Variants in XXYLT1 observed in about 807,000 individuals in gnomAD.
The protein encoded by XXYLT1 is UDP-xylose:alpha-xyloside alpha-1,3-xylosyltransferase.
Under a neutral mutation model 28.9 loss-of-function variants are expected in XXYLT1, and 20 were observed. The ratio of observed to expected loss-of-function variants is 0.69; its 90% CI spans 0.49 to 1.00. The LOEUF (loss-of-function observed/expected upper bound fraction) is 1.00. XXYLT1 is among the 50% of genes least tolerant of loss of function. The pLI is 0.00. For missense variants in XXYLT1, 542 were observed against 560.1 expected, an observed-to-expected ratio of 0.97 and a Z score of 0.33; for synonymous variants, 257 against 253.8, an observed-to-expected ratio of 1.01 and a Z score of -0.12.
At chr3:195,071,897 A>G (rs1714836988) in intron 3 of XXYLT1, among the ~76,000 whole-genome samples, 1 of 152,098 alleles carries the variant, frequency 6.6e-6, no homozygotes, top group South Asian at 2.1e-4. Flanking sequence ...GCGTTTACCG[A>G]GGTGGAGCAG....
At chr3:195,153,273 A>C (rs1196658063) in intron 3 of XXYLT1, among the ~76,000 whole-genome samples, 1 of 152,214 alleles carries the variant, frequency 6.6e-6, no homozygotes, top group Non-Finnish European at 1.5e-5. Context: ...GAAAGAAGGC[A>C]AAAAACATGC....
chr3:195,130,133 T>A (rs1480514667), intron 3 of XXYLT1, among the ~76,000 whole-genome samples: 1 of 152,244 alleles, frequency 6.6e-6, no homozygotes, highest in Non-Finnish European at 1.5e-5. Context: ...ATTCTGCCAG[T>A]CTCAGCAAAT....
intron 3 of XXYLT1, chr3:195,148,145 G>A (rs1279221236): frequency 6.6e-6 from 1 of 152,224 alleles, no homozygotes; most frequent in Non-Finnish European, 1.5e-5. Context: ...AATCCCGCTT[G>A]GGTTCTCTGT....
At chr3:195,086,581 G>C (rs1560086598) in intron 3 of XXYLT1, among the ~76,000 whole-genome samples, 1 of 152,136 alleles carries the variant, frequency 6.6e-6, no homozygotes, top group Non-Finnish European at 1.5e-5. Flanking sequence ...GGCCCTGTGA[G>C]GAAGGTCAGG....
intron 2 of XXYLT1, among the ~76,000 whole-genome samples, chr3:195,156,948 A>G (rs1273317901): frequency 6.6e-6 from 1 of 152,152 alleles, no homozygotes; most frequent in Non-Finnish European, 1.5e-5. Context: ...GCTTCCCTAC[A>G]TAAAACTCAA....
At chr3:195,081,063 GC>G (rs1158238007) in intron 3 of XXYLT1, among the ~76,000 whole-genome samples, 1 of 152,192 alleles carries the variant, frequency 6.6e-6, no homozygotes, top group African/African-American at 2.4e-5. Flanking sequence ...AGTGTGATGG[GC>G]CAGGCCCAGG....
chr3:195,099,649 T>C (rs112731207), intron 3 of XXYLT1, among the ~76,000 whole-genome samples: 5,582 of 151,986 alleles, frequency 0.037, 183 homozygotes, highest in East Asian at 0.21. Flanking sequence ...GTTAACACGT[T>C]GAAACCCCGT....
chr3:195,175,272 G>T (rs533141681), intron 2 of XXYLT1, among the ~76,000 whole-genome samples: 1 of 152,342 alleles, frequency 6.6e-6, no homozygotes, highest in South Asian at 2.1e-4. Flanking sequence ...AACAAGAGAG[G>T]CTCTTCTACA....
At chr3:195,142,748 C>T (rs916965335) in intron 3 of XXYLT1, among the ~76,000 whole-genome samples, 4 of 152,228 alleles carry the variant, frequency 2.6e-5, no homozygotes, top group Non-Finnish European at 4.4e-5. Flanking sequence ...GGTCTTCATG[C>T]GGCCAGCCCG....
chr3:195,212,945 G>A (rs369254860), intron 2 of XXYLT1, among the ~76,000 whole-genome samples: 1 of 152,170 alleles, frequency 6.6e-6, no homozygotes, highest in Non-Finnish European at 1.5e-5. Context: ...ATGGTATGCC[G>A]CCAGACCCAC....
At chr3:195,220,395 C>T (rs1230378898) in intron 2 of XXYLT1, among the ~76,000 whole-genome samples, 3 of 152,188 alleles carry the variant, frequency 2.0e-5, no homozygotes, top group African/African-American at 7.2e-5. Flanking sequence ...CCGCCCGCCT[C>T]GGTCTCCCAA....
Position 195,210,454 on chromosome 3 carries a change from C to T in XXYLT1, c.652+16255G>A, listed in dbSNP as rs1723266146. 6.6e-6 allele frequency among the ~76,000 whole-genome samples: 1 copy of T among 152,178 alleles called. No individual in the cohort carries two copies. The highest frequency in any genetic ancestry group is 2.4e-5 in the African/African-American group (1 of 41,436). On this transcript the variant is annotated intron_variant, in intron 2 of 3. Transcript: ENST00000310380. The surrounding 1 kb of genome is among the most constrained non-coding windows in gnomAD (Gnocchi z 4.8). Reference sequence around the variant, plus strand: ...CGAGGCCCAGAAAAAAGTTGGCTGACGTCCTGGCAAGAAGTAATAAGAGCC... The same window carrying T: ...CGAGGCCCAGAAAAAAGTTGGCTGATGTCCTGGCAAGAAGTAATAAGAGCC...
intron 3 of XXYLT1, among the ~76,000 whole-genome samples, chr3:195,106,883 C>G (rs990794267): frequency 3.0e-5 from 2 of 66,132 alleles, no homozygotes; most frequent in Non-Finnish European, 5.9e-5. Flanking sequence ...AAAACACCCC[C>G]TAGAGGTGGG....
At chr3:195,245,145 T>A (rs1308049372) in intron 1 of XXYLT1, among the ~76,000 whole-genome samples, 1 of 150,358 alleles carries the variant, frequency 6.7e-6, no homozygotes, top group South Asian at 2.1e-4. Context: ...CAGCCTTATG[T>A]GTAGCCCAAG....
chr3:195,150,977 C>T lies in XXYLT1; in HGVS notation c.785+5472G>A, dbSNP rs1343314733. Among the ~76,000 whole-genome samples the T allele has an allele frequency of 6.6e-6, 1 of 152,064 alleles. No individual in the cohort carries two copies. Among genetic ancestry groups the T allele is most frequent in the Non-Finnish European group, 1.5e-5 (1 of 68,022 alleles). On this transcript the variant is annotated intron_variant, in intron 3 of 3. Transcript: ENST00000310380. This position sits in a 1 kb window ranked among gnomAD's most constrained non-coding sequence, Gnocchi z 4.7. The stretch of plus-strand genomic sequence containing the variant: ...CAGGCCTCCTGGTCCCAGTGGCCTC[C>T]CCAAATGACCCAGTCCACAGTTGGG...
chr3:195,230,917 A>T (rs1304537007), intron 1 of XXYLT1, among the ~76,000 whole-genome samples: 1 of 152,118 alleles, frequency 6.6e-6, no homozygotes, highest in Non-Finnish European at 1.5e-5. Context: ...TCTGTGAAGA[A>T]TGTCATTGGT....
intron 3 of XXYLT1, among the ~76,000 whole-genome samples, chr3:195,074,692 T>C (rs1316974640): frequency 6.6e-6 from 1 of 152,208 alleles, no homozygotes; most frequent in African/African-American, 2.4e-5. Flanking sequence ...CCCATGACCC[T>C]GCATCTTGGT....
chr3:195,268,461 C>T (rs952997301), intron 1 of XXYLT1, among the ~76,000 whole-genome samples: 2 of 151,030 alleles, frequency 1.3e-5, no homozygotes, highest in South Asian at 2.1e-4. Flanking sequence ...ATTTAGCCAG[C>T]GTGGTGGTGG....
intron 2 of XXYLT1, 58 bp from the exon 3 acceptor site, chr3:195,156,639 A>G (rs1720610402): frequency 6.3e-7 from 1 of 1,590,280 alleles, no homozygotes; most frequent in Admixed American, 1.8e-5. Flanking sequence ...AGGCTCGGCC[A>G]CGGACAGAAA....
Sources: gnomAD v4.1 joint callset for allele counts (sites outside exome capture counted in the v4.1 genomes callset) on GRCh38, gnomAD v4.1.1 for gene constraint, Gnocchi (gnomAD v3.1) non-coding constraint, MANE v1.5 for transcripts, NCBI Gene and HGNC (gene_info 2026-07-23, HGNC 2026-07-21) for gene names.